Variants in INSYN2B observed in about 807,000 individuals in gnomAD.
The protein encoded by INSYN2B is protein INSYN2B.
INSYN2B carries 16 observed loss-of-function variants against 41.2 expected under a neutral mutation model. That is an observed-to-expected ratio of 0.39 (90% CI 0.26 to 0.59). The LOEUF is 0.59. Among genes scored for constraint, INSYN2B ranks in the 20% least tolerant of loss-of-function variants. INSYN2B has a pLI of 0.57. For missense variants in INSYN2B, 608 were observed against 646.4 expected, an observed-to-expected ratio of 0.94 and a Z score of 0.64; for synonymous variants, 245 against 244.4, an observed-to-expected ratio of 1.00 and a Z score of -0.02.
At chr5:169,912,824 T>C (rs1011165589) in intron 1 of INSYN2B, among the ~76,000 whole-genome samples, 1 of 152,156 alleles carries the variant, frequency 6.6e-6, no homozygotes, top group Non-Finnish European at 1.5e-5. Flanking sequence ...GAGATTTTTT[T>C]TTTCTAGGAG....
intron 1 of INSYN2B, among the ~76,000 whole-genome samples, 166 bp downstream of exon 1, chr5:169,980,111 A>G (rs1350251599): frequency 2.6e-5 from 4 of 152,258 alleles, no homozygotes; most frequent in Non-Finnish European, 4.4e-5. Flanking sequence ...AGTTCTGACA[A>G]TGGTGGATTT....
intron 1 of INSYN2B, among the ~76,000 whole-genome samples, chr5:169,891,997 A>C (rs1773320056): frequency 8.0e-6 from 1 of 124,630 alleles, no homozygotes; most frequent in African/African-American, 2.8e-5. Context: ...TTCCGTCCCA[A>C]AAAAAAAAAA....
At chr5:169,942,535 T>C (rs924477916) in intron 1 of INSYN2B, among the ~76,000 whole-genome samples, 3 of 152,262 alleles carry the variant, frequency 2.0e-5, no homozygotes, top group African/African-American at 7.2e-5. Flanking sequence ...TCTATTTCCA[T>C]ATTTTACAGA....
chr5:169,972,542 CAGAT>C (rs143089504), intron 1 of INSYN2B, among the ~76,000 whole-genome samples: 5,104 of 141,230 alleles, frequency 0.036, 116 homozygotes, highest in East Asian at 0.058. Context: ...CACTGTGAGA[CAGAT>C]AGATAGATAG....
rs1224778129 is a variant in INSYN2B at position 169,861,432 on chromosome 5, C to T, written c.*2841G>A. Among the ~76,000 whole-genome samples, 1 of 152,162 alleles carries T rather than the reference C, an allele frequency of 6.6e-6. No homozygotes were observed. The highest frequency in any genetic ancestry group is 1.5e-5 in the Non-Finnish European group (1 of 68,024). On this transcript the variant is annotated 3_prime_UTR_variant, in exon 4 of 4. Transcript: ENST00000377365. ...TCTATAGATGAGCTGGTATTAAGTTCCAAGGATAGTGAGTATGCATTTATG... is the reference window on the plus strand; with the variant it reads ...TCTATAGATGAGCTGGTATTAAGTTTCAAGGATAGTGAGTATGCATTTATG...
chr5:169,875,396 AC>A, intron 3 of INSYN2B: 1 of 436,180 alleles, frequency 2.3e-6, no homozygotes, highest in Non-Finnish European at 4.6e-6. Flanking sequence ...TTCAATGTAA[AC>A]CCTCACGATG....
At chr5:169,882,465 T>C (rs757390928) in intron 2 of INSYN2B, 88 bp downstream of exon 2, 10 of 1,144,892 alleles carry the variant, frequency 8.7e-6, no homozygotes, top group Non-Finnish European at 1.2e-5. Context: ...GAGACATTTT[T>C]ACTAAAAGAA....
chr5:169,894,538 G>T (rs568688018), intron 1 of INSYN2B, among the ~76,000 whole-genome samples: 12 of 152,272 alleles, frequency 7.9e-5, no homozygotes, highest in African/African-American at 2.9e-4. Flanking sequence ...TGCCTACACT[G>T]AAGAATTTTC....
chr5:169,901,442 T>C (rs1040204094), intron 1 of INSYN2B, among the ~76,000 whole-genome samples: 18 of 152,270 alleles, frequency 1.2e-4, no homozygotes, highest in African/African-American at 4.1e-4. Flanking sequence ...TGGGCATGCA[T>C]GCGTGCATGT....
intron 1 of INSYN2B, among the ~76,000 whole-genome samples, chr5:169,919,553 T>C (rs1050029282): frequency 6.6e-6 from 1 of 152,228 alleles, no homozygotes; most frequent in African/African-American, 2.4e-5. Context: ...ATGCATTTCT[T>C]TGATGTGGAC....
At chr5:169,890,472 A>G (rs1773219029) in intron 1 of INSYN2B, among the ~76,000 whole-genome samples, 1 of 152,216 alleles carries the variant, frequency 6.6e-6, no homozygotes, top group Non-Finnish European at 1.5e-5. Context: ...TGGTCCAAGT[A>G]TCCACTTATC....
chr5:169,964,156 G>A (rs1777204380), intron 1 of INSYN2B, among the ~76,000 whole-genome samples: 1 of 152,180 alleles, frequency 6.6e-6, no homozygotes, highest in African/African-American at 2.4e-5. Context: ...TTCAGATGCA[G>A]ATTTGGGGGA....
Position 169,883,077 on chromosome 5 carries a change from A to C in INSYN2B, c.822T>G (p.Leu274=), listed in dbSNP as rs1263509359. Residue 274 remains leucine (L), a synonymous_variant, in exon 2 of 4, where the codon CTT becomes CTG. Coordinates refer to ENST00000377365, the MANE Select transcript of INSYN2B (RefSeq NM_001129891.3). The part of the protein sequence containing the change: ...VASHTPGTEE[L]KPELLLPKDN... Reference sequence around the variant, plus strand: ...CTTTGGGCAAAAGCAATTCAGGTTTAAGTTCCTCTGTGCCTGGTGTGTGGC... The same window carrying C: ...CTTTGGGCAAAAGCAATTCAGGTTTCAGTTCCTCTGTGCCTGGTGTGTGGC... 9 of 1,551,456 alleles carry C rather than the reference A, an allele frequency of 5.8e-6. No homozygotes were observed. Among genetic ancestry groups the C allele is most frequent in the Non-Finnish European group, 7.8e-6 (9 of 1,146,950 alleles).
At chr5:169,887,926 T>C (rs1773064583) in intron 1 of INSYN2B, among the ~76,000 whole-genome samples, 1 of 152,220 alleles carries the variant, frequency 6.6e-6, no homozygotes, top group Admixed American at 6.5e-5. Context: ...TTTTTAATCA[T>C]TGCCAATAAA....
At chr5:169,934,048 C>T (rs970999427) in intron 1 of INSYN2B, among the ~76,000 whole-genome samples, 1 of 152,170 alleles carries the variant, frequency 6.6e-6, no homozygotes, top group African/African-American at 2.4e-5. Flanking sequence ...TTCCCTTGAT[C>T]CATACTGCTC....
chr5:169,882,274 A>AT (rs1209305038), intron 2 of INSYN2B, among the ~76,000 whole-genome samples: 2 of 152,192 alleles, frequency 1.3e-5, no homozygotes, highest in Non-Finnish European at 2.9e-5. Context: ...CATAAAAATC[A>AT]TTTTTGATCT....
In INSYN2B at chr5:169,945,372, G is replaced by A. The variant is rs369849439; in HGVS notation, c.-919+34905C>T. ...GGCAGAGAGCTCAAGGGGAGAGACT[G>A]GAACAAATTTGAACTCTTTGGGTCT... On this transcript the variant is annotated intron_variant, in intron 1 of 3. Coordinates refer to ENST00000377365, the MANE Select transcript of INSYN2B (RefSeq NM_001129891.3). 1.8e-3 allele frequency among the ~76,000 whole-genome samples: 276 copies of A among 152,346 alleles called. 6 individuals carry two copies. The South Asian group carries it at 0.049, about 27-fold the overall frequency.
chr5:169,867,701 C>T (rs1035146029), intron 3 of INSYN2B, among the ~76,000 whole-genome samples: 1 of 152,062 alleles, frequency 6.6e-6, no homozygotes, highest in African/African-American at 2.4e-5. Context: ...ACACATAGAT[C>T]GCACACATAC....
intron 1 of INSYN2B, among the ~76,000 whole-genome samples, chr5:169,938,669 A>G (rs1000762453): frequency 5.9e-5 from 9 of 152,212 alleles, no homozygotes; most frequent in Admixed American, 5.9e-4. Context: ...GTTACTGTAC[A>G]CTACTGTAGA....
Sources: allele counts gnomAD v4.1 joint callset (sites outside exome capture counted in the v4.1 genomes callset), GRCh38; gene constraint gnomAD v4.1.1; transcripts MANE v1.5; gene names NCBI Gene and HGNC (gene_info 2026-07-23, HGNC 2026-07-21).